Variants in SAMTOR observed in about 807,000 individuals in gnomAD.
The protein encoded by SAMTOR is S-adenosylmethionine sensor upstream of mTORC1.
At chr7:112,920,365 T>A in the SAMTOR span, among the ~76,000 whole-genome samples, 16 of 151,718 alleles carry the variant, frequency 1.1e-4, no homozygotes, top group Admixed American at 6.6e-4. Context: ...ATTATCTCAA[T>A]AGATGCAGAA....
the SAMTOR span, among the ~76,000 whole-genome samples, chr7:112,834,527 A>T: frequency 1.3e-5 from 2 of 152,140 alleles, no homozygotes; most frequent in Admixed American, 1.3e-4. Flanking sequence ...CTCAACAGAA[A>T]ATTCCAGAAA....
chr7:112,912,466 A>G, the SAMTOR span, among the ~76,000 whole-genome samples: 1 of 152,096 alleles, frequency 6.6e-6, no homozygotes, highest in Non-Finnish European at 1.5e-5. Context: ...AAGTATAACA[A>G]GAAGCAAACT....
the SAMTOR span, among the ~76,000 whole-genome samples, chr7:112,909,049 A>G: frequency 3.3e-4 from 51 of 152,240 alleles, 1 homozygote; most frequent in Non-Finnish European, 1.5e-5. Context: ...GACAAAAAGG[A>G]TGGTGGCACT....
At chr7:112,901,747 A>G in the SAMTOR span, among the ~76,000 whole-genome samples, 1 of 152,246 alleles carries the variant, frequency 6.6e-6, no homozygotes, top group African/African-American at 2.4e-5. Flanking sequence ...AAAACCAGGT[A>G]AAAGACCTGA....
chr7:112,843,281 A>C, the SAMTOR span, among the ~76,000 whole-genome samples: 2 of 152,068 alleles, frequency 1.3e-5, no homozygotes, highest in Non-Finnish European at 2.9e-5. Context: ...TAGTTATCAT[A>C]CTATTACAAG....
At chr7:112,905,932 T>C in the SAMTOR span, among the ~76,000 whole-genome samples, 1 of 152,102 alleles carries the variant, frequency 6.6e-6, no homozygotes, top group Non-Finnish European at 1.5e-5. Flanking sequence ...AAATAAAACT[T>C]TGTGTATTTA....
chr7:112,921,947 C>G, the SAMTOR span, among the ~76,000 whole-genome samples: 5 of 66,740 alleles, frequency 7.5e-5, no homozygotes, highest in Non-Finnish European at 1.1e-4. Context: ...GCCCCTCCCC[C>G]TCTCCCTCTC....
At chr7:112,852,280 C>A in the SAMTOR span, among the ~76,000 whole-genome samples, 1 of 152,164 alleles carries the variant, frequency 6.6e-6, no homozygotes, top group South Asian at 2.1e-4. Context: ...TCTACGCAGC[C>A]ATAAAAAATG....
chr7:112,918,409 T>C, the SAMTOR span, among the ~76,000 whole-genome samples: 1 of 152,132 alleles, frequency 6.6e-6, no homozygotes, highest in Admixed American at 6.6e-5. Context: ...AGAGATTTTG[T>C]CACCATCAGG....
the SAMTOR span, among the ~76,000 whole-genome samples, chr7:112,846,466 A>AT: frequency 1.3e-5 from 2 of 152,126 alleles, no homozygotes; most frequent in Non-Finnish European, 2.9e-5. Context: ...ATTTATCTAT[A>AT]TAACAAACCT....
chr7:112,899,742 C>G, the SAMTOR span, among the ~76,000 whole-genome samples: 1 of 145,074 alleles, frequency 6.9e-6, no homozygotes, highest in Non-Finnish European at 1.5e-5. Flanking sequence ...TCAGTGGAAA[C>G]CTTACAGGCC....
chr7:112,839,761 G>A, the SAMTOR span, among the ~76,000 whole-genome samples: 62 of 151,894 alleles, frequency 4.1e-4, 2 homozygotes, highest in South Asian at 0.012. Flanking sequence ...TATATGAAGT[G>A]TTAATAAATT....
chr7:112,840,940 A>T, the SAMTOR span, among the ~76,000 whole-genome samples: 1 of 152,154 alleles, frequency 6.6e-6, no homozygotes, highest in Non-Finnish European at 1.5e-5. Flanking sequence ...TCTCAAAATC[A>T]TAAGAGCTAT....
the SAMTOR span, among the ~76,000 whole-genome samples, chr7:112,889,117 C>G: frequency 1.3e-5 from 2 of 152,126 alleles, no homozygotes; most frequent in Non-Finnish European, 2.9e-5. Flanking sequence ...CTAAATGTAA[C>G]CAGGATTGAG....
chr7:112,843,079 C>A, the SAMTOR span, among the ~76,000 whole-genome samples: 1 of 151,936 alleles, frequency 6.6e-6, no homozygotes, highest in Non-Finnish European at 1.5e-5. Flanking sequence ...ATATTTAAAT[C>A]ATCTAATGAA....
chr7:112,860,349 C>T, the SAMTOR span, among the ~76,000 whole-genome samples: 1 of 152,104 alleles, frequency 6.6e-6, no homozygotes, highest in Non-Finnish European at 1.5e-5. Flanking sequence ...TGTTCTGTTC[C>T]TCTGGAGAAC....
At chr7:112,896,783 A>C in the SAMTOR span, among the ~76,000 whole-genome samples, 9 of 152,224 alleles carry the variant, frequency 5.9e-5, no homozygotes, top group East Asian at 1.5e-3. Context: ...TTATTTCTAT[A>C]AATAAAGTAC....
At chr7:112,923,158 C>G in the SAMTOR span, among the ~76,000 whole-genome samples, 3 of 152,210 alleles carry the variant, frequency 2.0e-5, no homozygotes, top group African/African-American at 7.2e-5. Flanking sequence ...CCTTGGGATC[C>G]TGTTGATCTA....
chr7:112,864,333 G>T, the SAMTOR span, among the ~76,000 whole-genome samples: 2 of 152,088 alleles, frequency 1.3e-5, no homozygotes, highest in African/African-American at 2.4e-5. Flanking sequence ...AAACCCCCAT[G>T]ACACAAGTTT....
Sources: gnomAD v4.1 joint callset for allele counts (sites outside exome capture counted in the v4.1 genomes callset) on GRCh38, gnomAD v4.1.1 for gene constraint, MANE v1.5 for transcripts, NCBI Gene and HGNC (gene_info 2026-07-23, HGNC 2026-07-21) for gene names.